OR2A7: variants seen among roughly 807,000 people sequenced by gnomAD.
OR2A7 encodes the protein olfactory receptor family 2 subfamily A member 7.
For synonymous variants in OR2A7, 10 were observed against 147.1 expected (o/e 0.07, Z 6.74); for missense variants, 35 against 359.2 (o/e 0.10, Z 7.30).
intron 1 of OR2A7, among the ~76,000 whole-genome samples, chr7:144,261,764 G>T (rs1438315839): frequency 2.0e-5 from 3 of 151,796 alleles, no homozygotes; most frequent in Non-Finnish European, 4.4e-5. Context: ...ATGTACTTTT[G>T]CATGATATTA....
At chr7:144,260,111 G>GAAAAAAAAAAAAAAA (rs1162605720) in intron 1 of OR2A7, among the ~76,000 whole-genome samples, 9 of 87,640 alleles carry the variant, frequency 1.0e-4, no homozygotes, top group South Asian at 4.3e-4. Context: ...TCTGTCTCCA[G>GAAAAAAAAAAAAAAA]AAAAAAAAAA....
At chr7:144,261,880 G>T (rs1653534011) in intron 1 of OR2A7, among the ~76,000 whole-genome samples, 1 of 152,008 alleles carries the variant, frequency 6.6e-6, no homozygotes, top group African/African-American at 2.4e-5. Flanking sequence ...GATGACTGCT[G>T]TGTAAGAACC....
intron 1 of OR2A7, among the ~76,000 whole-genome samples, chr7:144,261,756 G>A (rs1218924660): frequency 6.6e-6 from 1 of 151,744 alleles, no homozygotes; most frequent in African/African-American, 2.4e-5. Flanking sequence ...GAGTAGAAAT[G>A]TACTTTTGCA....
Position 144,264,698 on chromosome 7 carries a change from T to C in OR2A7, c.-5+3A>G. ...GAGACGACAGCCTCATGCATGCTCT[T>C]ACCCGTGAAGTCCTTTCTGGATGTT... On this transcript the variant is annotated splice_donor_region_variant and intron_variant, in intron 1 of 1. Coordinates refer to ENST00000641841, the MANE Select transcript of OR2A7 (RefSeq NM_001005328.2). 1 of 151,740 alleles carries C rather than the reference T, an allele frequency of 6.6e-6. No homozygotes were observed. The highest frequency in any genetic ancestry group is 1.9e-4 in the East Asian group (1 of 5,178). 9.4% of individuals were successfully genotyped at this position (151,740 alleles called of 1,614,324 possible).
chr7:144,261,335 C>T (rs1295817745), intron 1 of OR2A7, among the ~76,000 whole-genome samples: 1 of 149,092 alleles, frequency 6.7e-6, no homozygotes, highest in Non-Finnish European at 1.5e-5. Context: ...CACTTTAAGC[C>T]TTTTTAAAAA....
rs561628976 is a variant in OR2A7, at chr7:144,260,496, G to A, written c.-4-864C>T. Among the ~76,000 whole-genome samples the A allele has an allele frequency of 3.6e-4, 54 of 151,706 alleles. 3 individuals carry two copies. The highest frequency in any genetic ancestry group is 2.6e-3 in the Admixed American group (39 of 15,044). On this transcript the variant is annotated intron_variant, in intron 1 of 1. Transcript: ENST00000641841. ...TAAAGTGGAAGGTTTAATTAAGGGC[G>A]GGCTATACTAAGGTTCGACATACCA...
intron 1 of OR2A7, among the ~76,000 whole-genome samples, chr7:144,260,187 A>AT (rs2052625940): frequency 7.1e-6 from 1 of 141,646 alleles, no homozygotes; most frequent in Non-Finnish European, 1.6e-5. Flanking sequence ...TATTACGTTA[A>AT]TTTTTTAATA....
intron 1 of OR2A7, among the ~76,000 whole-genome samples, chr7:144,264,282 T>C (rs1329540744): frequency 1.3e-5 from 2 of 151,658 alleles, no homozygotes; most frequent in Admixed American, 6.6e-5. Context: ...ATTTTGGAGG[T>C]GGAGTCTTGT....
chr7:144,259,733 T>C (rs1260744893), intron 1 of OR2A7, 101 bp from the exon 2 acceptor site: 1 of 700,984 alleles, frequency 1.4e-6, no homozygotes, highest in African/African-American at 1.9e-5. Context: ...AGTAGAAAAG[T>C]GTTCAGACAG....
In OR2A7 at chr7:144,259,616, T is replaced by C. The variant is rs369124160; in HGVS notation, c.13A>G (p.Ile5Val). The change falls in exon 2 of 2, where the codon ATA (isoleucine) becomes GTA (valine). Residue 5 changes from isoleucine (I) to valine (V), a missense_variant. Ile to Val is a conservative substitution (Grantham distance 29, BLOSUM62 3). Coordinates refer to ENST00000641841, the MANE Select transcript of OR2A7 (RefSeq NM_001005328.2). MGDN[I>V]TSITEFLLLG... The stretch of plus-strand genomic sequence containing the variant: ...AGGAGGAACTCTGTGATGGATGTTA[T>C]ATTGTCCCCCATATCCCTATGACAG... 13 of 1,613,010 alleles carry C rather than the reference T, an allele frequency of 8.1e-6. No homozygotes were observed. Among genetic ancestry groups the C allele is most frequent in the African/African-American group, 1.3e-5 (1 of 74,876 alleles).
chr7:144,260,339 T>C (rs2052628730), intron 1 of OR2A7, among the ~76,000 whole-genome samples: 1 of 150,670 alleles, frequency 6.6e-6, no homozygotes. Flanking sequence ...CAGTGAGCTA[T>C]CTCATATCCT....
intron 1 of OR2A7, among the ~76,000 whole-genome samples, chr7:144,261,513 T>A (rs1379581458): frequency 1.3e-5 from 2 of 151,268 alleles, no homozygotes; most frequent in Non-Finnish European, 2.9e-5. Context: ...AAAAAAAATT[T>A]TAAAGAAAAA....
chr7:144,261,835 C>T (rs1359051548), intron 1 of OR2A7, among the ~76,000 whole-genome samples: 2 of 152,000 alleles, frequency 1.3e-5, no homozygotes, highest in South Asian at 4.1e-4. Context: ...TTGACCAGAA[C>T]TCACAAAGGC....
chr7:144,259,953 C>CA (rs1464472443), intron 1 of OR2A7, among the ~76,000 whole-genome samples: 1 of 133,414 alleles, frequency 7.5e-6, no homozygotes, highest in African/African-American at 2.7e-5. Flanking sequence ...ACTAAAAATA[C>CA]AAAAAATTAG....
intron 1 of OR2A7, among the ~76,000 whole-genome samples, chr7:144,260,830 G>A (rs1238514854): frequency 6.7e-6 from 1 of 150,308 alleles, no homozygotes; most frequent in East Asian, 1.9e-4. Context: ...GTCTATGCAG[G>A]TGATTGGCAA....
At chr7:144,264,503 T>C (rs913222483) in intron 1 of OR2A7, among the ~76,000 whole-genome samples, 198 bp downstream of exon 1, 5 of 152,054 alleles carry the variant, frequency 3.3e-5, no homozygotes, top group Non-Finnish European at 7.4e-5. Context: ...GCAGATGATC[T>C]GCCTACCTCA....
At chr7:144,259,691 T>C (rs2052616888) in intron 1 of OR2A7, 59 bp from the exon 2 acceptor site, 2 of 1,011,990 alleles carry the variant, frequency 2.0e-6, no homozygotes, top group East Asian at 2.3e-5. Context: ...TAAAAACAGA[T>C]TCATTTTAAC....
At chr7:144,264,077 T>C (rs2052672932) in intron 1 of OR2A7, among the ~76,000 whole-genome samples, 1 of 147,498 alleles carries the variant, frequency 6.8e-6, no homozygotes, top group South Asian at 2.2e-4. Flanking sequence ...ATAATGGGGG[T>C]GAAAAAATCA....
intron 1 of OR2A7, among the ~76,000 whole-genome samples, chr7:144,259,882 C>G (rs1441830633): frequency 1.4e-5 from 2 of 138,336 alleles, no homozygotes; most frequent in South Asian, 5.0e-4. Flanking sequence ...CCGAGGCGGG[C>G]GGATTGCCTG....
Sources: gnomAD v4.1 joint callset for allele counts (sites outside exome capture counted in the v4.1 genomes callset) on GRCh38, gnomAD v4.1.1 for gene constraint, MANE v1.5 for transcripts, NCBI Gene and HGNC (gene_info 2026-07-23, HGNC 2026-07-21) for gene names.